The following FGD4 variants were observed in gnomAD, a reference collection of about 807,000 sequenced individuals.
FGD4 encodes FYVE, RhoGEF and PH domain containing 4.
FGD4 carries 42 observed loss-of-function variants against 102.0 expected under a neutral mutation model. The observed-to-expected ratio is 0.41, with a 90% confidence interval of 0.32 to 0.53. The LOEUF is 0.53. FGD4 is among the 20% of genes least tolerant of loss of function. The probability of loss-of-function intolerance (pLI) is 0.21; values close to 1 mark genes in which losing one functional copy is unlikely to be tolerated. For synonymous variants in FGD4, 380 were observed against 375.7 expected, an observed-to-expected ratio of 1.01 and a Z score of -0.13; for missense variants, 902 against 1,078.2, an observed-to-expected ratio of 0.84 and a Z score of 2.29.
In FGD4 at chr12:32,633,652, C is replaced by T. The variant is rs992774966; in HGVS notation, c.2276C>T (p.Thr759Ile). 1.2e-6 allele frequency: 2 copies of T among 1,607,882 alleles called. No individual in the cohort carries two copies. Among genetic ancestry groups the T allele is most frequent in the African/African-American group, 1.3e-5 (1 of 74,882 alleles). The change falls in exon 15 of 17, where the codon ACA (threonine) becomes ATA (isoleucine). Residue 759 changes from threonine (T) to isoleucine (I), a missense_variant. By Grantham distance (89) the Thr-to-Ile change is moderately conservative. Transcript: ENST00000534526. ...TGTTATCAAATCATAAGTGGATTCA[C>T]AGACAGTGAAGAAAAGAAAAGAAAA... ...KDCYQIISGF[T>I]DSEEKKRKGI...
intron 14 of FGD4, among the ~76,000 whole-genome samples, chr12:32,626,437 T>G (rs1050330512): frequency 3.6e-5 from 4 of 112,406 alleles, no homozygotes; most frequent in Non-Finnish European, 6.8e-5. Flanking sequence ...AGAGTGAAAC[T>G]CCATCTCAGA....
At chr12:32,446,220 G>T (rs1433866632) in intron 1 of FGD4, among the ~76,000 whole-genome samples, 1 of 152,140 alleles carries the variant, frequency 6.6e-6, no homozygotes, top group Non-Finnish European at 1.5e-5. Flanking sequence ...GGGCTAGTTC[G>T]AATGGCCTAG....
At chr12:32,608,527 C>T (rs908467791) in intron 8 of FGD4, among the ~76,000 whole-genome samples, 8 of 152,208 alleles carry the variant, frequency 5.3e-5, no homozygotes, top group Admixed American at 3.9e-4. Context: ...CCTGCCCTAA[C>T]GTGCTACCAT....
chr12:32,462,381 A>G (rs1943128674), intron 1 of FGD4, among the ~76,000 whole-genome samples: 1 of 151,750 alleles, frequency 6.6e-6, no homozygotes, highest in Non-Finnish European at 1.5e-5. Flanking sequence ...GACTGGCCTC[A>G]AACTCCTGAC....
intron 1 of FGD4, among the ~76,000 whole-genome samples, chr12:32,450,152 C>T (rs1048728599): frequency 2.6e-5 from 4 of 151,958 alleles, no homozygotes; most frequent in East Asian, 1.9e-4. Flanking sequence ...AGGCTGGTCT[C>T]GATCTCCTGA....
In FGD4 at chr12:32,578,058, T is replaced by G. The variant is rs112162845; in HGVS notation, c.503+1609T>G. On this transcript the variant is annotated intron_variant, in intron 3 of 16. Transcript: ENST00000534526. The stretch of plus-strand genomic sequence containing the variant: ...TTCCACTTAATGTTTTTTTAATCAT[T>G]CAAGCTTCATAAATTCAATCCTGTT... 6.9e-3 allele frequency among the ~76,000 whole-genome samples: 1,045 copies of G among 152,358 alleles called. 19 individuals are homozygous for G. Among genetic ancestry groups the G allele is most frequent in the African/African-American group, 0.024 (988 of 41,578 alleles).
At chr12:32,486,421 C>T (rs1943902469) in intron 1 of FGD4, among the ~76,000 whole-genome samples, 1 of 152,220 alleles carries the variant, frequency 6.6e-6, no homozygotes, top group Non-Finnish European at 1.5e-5. Flanking sequence ...GTTCATAGCA[C>T]AGAGTGTTTC....
At chr12:32,610,901 T>A in intron 9 of FGD4, 67 bp downstream of exon 9, 4 of 1,515,236 alleles carry the variant, frequency 2.6e-6, no homozygotes, top group Non-Finnish European at 2.7e-6. Flanking sequence ...GCCTCAATAC[T>A]ATGTAGATTT....
intron 1 of FGD4, among the ~76,000 whole-genome samples, chr12:32,553,047 G>T (rs1003890142): frequency 6.6e-6 from 1 of 151,312 alleles, no homozygotes; most frequent in Non-Finnish European, 1.5e-5. Context: ...ACCCGCCTCG[G>T]CCTCCCAAAG....
chr12:32,520,753 G>C (rs1940458533), intron 1 of FGD4, among the ~76,000 whole-genome samples: 1 of 152,004 alleles, frequency 6.6e-6, no homozygotes, highest in Admixed American at 6.6e-5. Flanking sequence ...GTGTTTTAAA[G>C]TGTGTATCTT....
chr12:32,483,921 G>GCAAAAA (rs1943825762), intron 1 of FGD4, among the ~76,000 whole-genome samples: 2 of 152,056 alleles, frequency 1.3e-5, no homozygotes, highest in African/African-American at 4.8e-5. Context: ...ATAAAGATCA[G>GCAAAAA]CTTTTAAAGT....
chr12:32,553,987 G>C (rs1474294394), intron 1 of FGD4, among the ~76,000 whole-genome samples: 3 of 152,158 alleles, frequency 2.0e-5, no homozygotes, highest in Non-Finnish European at 4.4e-5. Flanking sequence ...AGCTACTCAG[G>C]AGGCTGAGGT....
At chr12:32,576,239 A>G (rs774846804) in intron 2 of FGD4, 27 bp from the exon 3 acceptor site, 1 of 1,551,560 alleles carries the variant, frequency 6.4e-7, no homozygotes, top group Non-Finnish European at 8.7e-7. Flanking sequence ...TATCAGTGAA[A>G]TACTATATTC....
intron 4 of FGD4, among the ~76,000 whole-genome samples, chr12:32,584,586 T>C (rs11052087): frequency 0.1 from 15,515 of 150,564 alleles, 911 homozygotes; most frequent in Middle Eastern, 0.21. Flanking sequence ...CTTCATGTTG[T>C]AACCCCCCCC....
At chr12:32,507,337 C>T (rs1938875139) in intron 1 of FGD4, among the ~76,000 whole-genome samples, 1 of 151,890 alleles carries the variant, frequency 6.6e-6, no homozygotes, top group Non-Finnish European at 1.5e-5. Flanking sequence ...CATTGTTGGA[C>T]ATTTGGGTTG....
intron 1 of FGD4, among the ~76,000 whole-genome samples, chr12:32,472,301 G>A (rs564690129): frequency 6.6e-6 from 1 of 152,224 alleles, no homozygotes; most frequent in Non-Finnish European, 1.5e-5. Flanking sequence ...GGAGAGGCAC[G>A]AGCGGGAACC....
intron 1 of FGD4, among the ~76,000 whole-genome samples, chr12:32,426,380 A>G (rs150643570): frequency 7.0e-4 from 106 of 152,286 alleles, no homozygotes; most frequent in African/African-American, 2.5e-3. Context: ...TGATTTAAGT[A>G]TGTTGAACCA....
rs185654936 is a variant in FGD4, at chr12:32,530,702, A to G, written c.167-33435A>G. ...TATCTATGACAACCTTAAAATCACT[A>G]AACATATTTATTTAATAGATCCCTT... On this transcript the variant is annotated intron_variant, in intron 1 of 16. Coordinates refer to ENST00000534526, the MANE Select transcript of FGD4 (RefSeq NM_001370298.3). 9.2e-5 allele frequency among the ~76,000 whole-genome samples: 14 copies of G among 152,268 alleles called. No homozygotes were observed. The East Asian group carries it at 1.7e-3, about 19-fold the overall frequency.
At chr12:32,528,420 G>A (rs771234359) in intron 1 of FGD4, among the ~76,000 whole-genome samples, 15 of 151,758 alleles carry the variant, frequency 9.9e-5, no homozygotes, top group Non-Finnish European at 1.9e-4. Flanking sequence ...ACGGAGCCTC[G>A]CTCTGTCGCC....
Sources: allele counts gnomAD v4.1 joint callset (sites outside exome capture counted in the v4.1 genomes callset), GRCh38; gene constraint gnomAD v4.1.1; transcripts MANE v1.5; gene names NCBI Gene and HGNC (gene_info 2026-07-23, HGNC 2026-07-21).